Variants in SDK1 observed in about 807,000 individuals in gnomAD.
SDK1 encodes the protein protein sidekick-1.
A neutral mutation model predicts 245.5 loss-of-function variants in SDK1; 157 were observed. The ratio of observed to expected loss-of-function variants is 0.64; its 90% CI spans 0.56 to 0.73. The LOEUF (loss-of-function observed/expected upper bound fraction) is 0.73, where lower values mean the gene tolerates loss of function less well. Ranked by LOEUF, SDK1 falls within the 30% of genes least tolerant of loss-of-function variation. The pLI is 0.00. For synonymous variants in SDK1, 1,647 were observed against 1,278.5 expected, an observed-to-expected ratio of 1.29 and a Z score of -6.15; for missense variants, 3,583 against 3,002.3, an observed-to-expected ratio of 1.19 and a Z score of -4.52.
chr7:3,944,777 GAA>G (rs1431508354), intron 5 of SDK1, among the ~76,000 whole-genome samples: 1 of 152,194 alleles, frequency 6.6e-6, no homozygotes, highest in African/African-American at 2.4e-5. Flanking sequence ...ATGACAAAAA[GAA>G]AGGGAGAGGA....
intron 1 of SDK1, among the ~76,000 whole-genome samples, chr7:3,534,182 C>G (rs760638755): frequency 2.1e-4 from 32 of 152,266 alleles, no homozygotes; most frequent in Non-Finnish European, 4.3e-4. Context: ...TATTTATCTC[C>G]CTGAGCATAA....
chr7:3,779,456 T>A lies in SDK1; in HGVS notation c.714-41994T>A, dbSNP rs1015537015. On this transcript the variant is annotated intron_variant, in intron 4 of 44. Coordinates refer to ENST00000404826, the MANE Select transcript of SDK1 (RefSeq NM_152744.4). ...TGTGGCAAAGCCAGTAACCTATTTT[T>A]TTTAAAAAAAAAAAACAAGGACAAA... Among the ~76,000 whole-genome samples, 11 of 151,664 alleles carry A rather than the reference T, an allele frequency of 7.3e-5. No individual in the cohort carries two copies. The Admixed American group carries it at 7.3e-4, about 10-fold the overall frequency.
chr7:3,578,524 T>G (rs1407472029), intron 1 of SDK1, among the ~76,000 whole-genome samples: 3 of 151,998 alleles, frequency 2.0e-5, no homozygotes, highest in African/African-American at 7.2e-5. Flanking sequence ...TTCCCAATCC[T>G]GGTAAGCCTG....
At chr7:3,335,833 C>T (rs554572570) in intron 1 of SDK1, among the ~76,000 whole-genome samples, 1 of 151,958 alleles carries the variant, frequency 6.6e-6, no homozygotes, top group Non-Finnish European at 1.5e-5. Context: ...TACTGTCTTA[C>T]CAAGGTGGAG....
chr7:3,859,689 G>A (rs978484851), intron 5 of SDK1, among the ~76,000 whole-genome samples: 1 of 152,074 alleles, frequency 6.6e-6, no homozygotes, highest in African/African-American at 2.4e-5. Flanking sequence ...CCATCCCCAG[G>A]GGACAGCCAG....
chr7:3,522,513 G>T (rs933205910), intron 1 of SDK1, among the ~76,000 whole-genome samples: 1 of 151,710 alleles, frequency 6.6e-6, no homozygotes, highest in Non-Finnish European at 1.5e-5. Flanking sequence ...TGGATGCAGG[G>T]TGTTTGTCTT....
intron 17 of SDK1, among the ~76,000 whole-genome samples, chr7:4,024,584 G>A (rs947058963): frequency 6.6e-6 from 1 of 152,206 alleles, no homozygotes; most frequent in African/African-American, 2.4e-5. Context: ...CTGTGTACCA[G>A]CCTTCACCAT....
At chr7:4,049,960 C>G (rs1349572018) in intron 18 of SDK1, among the ~76,000 whole-genome samples, 2 of 152,176 alleles carry the variant, frequency 1.3e-5, no homozygotes, top group Non-Finnish European at 2.9e-5. Context: ...GACACATAGA[C>G]AAATTTCCAT....
intron 4 of SDK1, among the ~76,000 whole-genome samples, chr7:3,814,242 T>A (rs1291211033): frequency 2.0e-5 from 3 of 151,632 alleles, no homozygotes; most frequent in Non-Finnish European, 4.4e-5. Flanking sequence ...TTTTATGGTT[T>A]TAGGTCTAAT....
At chr7:3,951,078 G>T in intron 6 of SDK1, 44 bp downstream of exon 6, 1 of 1,378,322 alleles carries the variant, frequency 7.3e-7, no homozygotes, top group South Asian at 1.2e-5. Context: ...AATATTCCAT[G>T]ACCTGTGACG....
intron 6 of SDK1, 69 bp from the exon 7 acceptor site, chr7:3,951,661 C>A: frequency 7.0e-7 from 1 of 1,422,886 alleles, no homozygotes; most frequent in Non-Finnish European, 9.8e-7. Flanking sequence ...GTGCCGAGTG[C>A]CTGAGATGAT....
At chr7:3,447,472 A>G (rs1366350988) in intron 1 of SDK1, among the ~76,000 whole-genome samples, 1 of 152,112 alleles carries the variant, frequency 6.6e-6, no homozygotes, top group Non-Finnish European at 1.5e-5. Context: ...TAATAAATGT[A>G]TGCTTCATAA....
At chr7:3,826,452 G>A (rs996551566) in intron 5 of SDK1, among the ~76,000 whole-genome samples, 2 of 152,154 alleles carry the variant, frequency 1.3e-5, no homozygotes, top group South Asian at 2.1e-4. Context: ...TCTTGGCGAC[G>A]TGGCTTCTAC....
chr7:4,163,402 G>A (rs1157585363), intron 32 of SDK1, among the ~76,000 whole-genome samples: 3 of 152,218 alleles, frequency 2.0e-5, no homozygotes, highest in South Asian at 2.1e-4. Flanking sequence ...GGCCTTGGAG[G>A]GCGAGGGGAT....
intron 5 of SDK1, among the ~76,000 whole-genome samples, chr7:3,912,408 T>A (rs779970270): frequency 1.1e-4 from 16 of 152,258 alleles, no homozygotes; most frequent in Non-Finnish European, 1.6e-4. Context: ...TGTTTTTGCA[T>A]GACCAAATAA....
At chr7:4,170,899 A>G (rs1476395434) in intron 32 of SDK1, among the ~76,000 whole-genome samples, 7 of 152,078 alleles carry the variant, frequency 4.6e-5, no homozygotes, top group Non-Finnish European at 1.0e-4. Context: ...CGTCCCAAAC[A>G]CTGCTTTGTC....
At chr7:3,389,860 G>C (rs1157214511) in intron 1 of SDK1, among the ~76,000 whole-genome samples, 1 of 152,204 alleles carries the variant, frequency 6.6e-6, no homozygotes, top group Non-Finnish European at 1.5e-5. Context: ...TGATTGAGTA[G>C]AGGCTTGAAA....
At chr7:3,329,547 C>A (rs1410342812) in intron 1 of SDK1, among the ~76,000 whole-genome samples, 3 of 152,140 alleles carry the variant, frequency 2.0e-5, no homozygotes, top group Non-Finnish European at 4.4e-5. Context: ...CACACCCTAC[C>A]CTAGGGGAAC....
intron 1 of SDK1, among the ~76,000 whole-genome samples, chr7:3,533,904 T>TTGTAA (rs1778787815): frequency 2.0e-5 from 3 of 152,178 alleles, no homozygotes; most frequent in African/African-American, 7.2e-5. Context: ...TGTTATTTTC[T>TTGTAA]TGTAAAAACC....
Sources: allele counts gnomAD v4.1 joint callset (sites outside exome capture counted in the v4.1 genomes callset), GRCh38; gene constraint gnomAD v4.1.1; transcripts MANE v1.5; gene names NCBI Gene and HGNC (gene_info 2026-07-23, HGNC 2026-07-21).